The following TAF3 variants were observed in gnomAD, a reference collection of about 807,000 sequenced individuals.
The protein encoded by TAF3 is TATA-box binding protein associated factor 3, also known as transcription initiation factor TFIID subunit 3.
TAF3 carries 7 observed loss-of-function variants against 80.6 expected under a neutral mutation model. The ratio of observed to expected loss-of-function variants is 0.09; its 90% CI spans 0.05 to 0.16. TAF3 has a LOEUF of 0.16. TAF3 is among the 10% of genes least tolerant of loss of function. The probability of loss-of-function intolerance (pLI) is 1.00; values close to 1 mark genes in which losing one functional copy is unlikely to be tolerated. For missense variants in TAF3, 921 were observed against 1,140.2 expected, an observed-to-expected ratio of 0.81 and a Z score of 2.77; for synonymous variants, 444 against 446.1, an observed-to-expected ratio of 1.00 and a Z score of 0.06.
At chr10:7,977,133 A>G (rs1208209357) in intron 3 of TAF3, 108 bp from the exon 4 acceptor site, 1 of 999,554 alleles carries the variant, frequency 1.0e-6, no homozygotes, top group Non-Finnish European at 1.5e-6. Flanking sequence ...GCCATATTTA[A>G]GGCTTCAACT....
At position 7,837,207 on chromosome 10, in the gene TAF3, A is replaced by G. The variant is rs868790466; in HGVS notation, c.409+12647A>G. Among the ~76,000 whole-genome samples, 12 of 152,330 alleles carry G rather than the reference A, an allele frequency of 7.9e-5. No individual in the cohort carries two copies. The East Asian group carries it at 2.1e-3, about 27-fold the overall frequency. On this transcript the variant is annotated intron_variant, in intron 2 of 6. Transcript: ENST00000344293. Reference sequence around the variant, plus strand: ...GTGAAATCCTGTCTCTACTAAAAATACAAAATTTAGCTGGACATGGTGGCA... The same window carrying G: ...GTGAAATCCTGTCTCTACTAAAAATGCAAAATTTAGCTGGACATGGTGGCA...
At chr10:7,991,534 T>C (rs1831833737) in intron 4 of TAF3, among the ~76,000 whole-genome samples, 2 of 152,150 alleles carry the variant, frequency 1.3e-5, no homozygotes, top group East Asian at 1.9e-4. Context: ...AGATATAATA[T>C]TAAACAGGCA....
chr10:8,014,974 G>T lies in TAF3; in HGVS notation c.*223G>T. 1 of 424,390 alleles carries T rather than the reference G, an allele frequency of 2.4e-6. No homozygotes were observed. The highest frequency in any genetic ancestry group is 4.3e-6 in the Non-Finnish European group (1 of 232,212). The allele number at this position is 424,390 out of a possible 1,614,324, so 26.3% of individuals were successfully genotyped here. A position where few individuals can be genotyped will look rare whatever the true frequency, so the allele number is the denominator to read the frequency against. Reference sequence around the variant, plus strand: ...AGTGCGACAGAAGGAAACTCAAGCAGAGGCGTGGCCTGGGGGCTGCCCCTC... The same window carrying T: ...AGTGCGACAGAAGGAAACTCAAGCATAGGCGTGGCCTGGGGGCTGCCCCTC... On this transcript the variant is annotated 3_prime_UTR_variant, in exon 7 of 7. Coordinates refer to ENST00000344293, the MANE Select transcript of TAF3 (RefSeq NM_031923.4).
At chr10:7,864,926 T>A (rs1458948588) in intron 2 of TAF3, among the ~76,000 whole-genome samples, 1 of 152,122 alleles carries the variant, frequency 6.6e-6, no homozygotes, top group African/African-American at 2.4e-5. Context: ...TCTAGAAGTT[T>A]TATAGTTTTA....
chr10:7,859,097 C>G (rs1015708339), intron 2 of TAF3, among the ~76,000 whole-genome samples: 5 of 151,846 alleles, frequency 3.3e-5, no homozygotes, highest in African/African-American at 9.7e-5. Flanking sequence ...CCCGTCTCTA[C>G]TAAAAATACA....
chr10:7,943,300 G>A (rs1236213780), intron 2 of TAF3, among the ~76,000 whole-genome samples: 1 of 152,104 alleles, frequency 6.6e-6, no homozygotes, highest in Admixed American at 6.6e-5. Flanking sequence ...TTGCTCCTTA[G>A]CATTGCAAAC....
At chr10:7,908,948 A>G (rs1210419924) in intron 2 of TAF3, among the ~76,000 whole-genome samples, 1 of 152,212 alleles carries the variant, frequency 6.6e-6, no homozygotes, top group Non-Finnish European at 1.5e-5. Context: ...CATTTCTAGC[A>G]AGTTCCCAGG....
rs547919075 is a variant in TAF3 at position 8,016,221 on chromosome 10, A to G, written c.*1470A>G. 4 of 152,358 alleles carry G rather than the reference A, an allele frequency of 2.6e-5. No individual in the cohort carries two copies. The East Asian group carries it at 7.7e-4, about 29-fold the overall frequency. The allele number at this position is 152,358 out of a possible 1,614,324, so 9.4% of individuals were successfully genotyped here. A position where few individuals can be genotyped will look rare whatever the true frequency, so the allele number is the denominator to read the frequency against. On this transcript the variant is annotated 3_prime_UTR_variant, in exon 7 of 7. Coordinates refer to ENST00000344293, the MANE Select transcript of TAF3 (RefSeq NM_031923.4). ...CCATGTGCTGGATCTGTTGGATGCTAGAATATGGGCTTTGAACCTAATACA... is the reference window on the plus strand; with the variant it reads ...CCATGTGCTGGATCTGTTGGATGCTGGAATATGGGCTTTGAACCTAATACA...
At chr10:7,968,070 T>C (rs1048538006) in intron 3 of TAF3, among the ~76,000 whole-genome samples, 5 of 152,048 alleles carry the variant, frequency 3.3e-5, no homozygotes, top group Admixed American at 3.3e-4. Flanking sequence ...ACACCTGAAA[T>C]GCGGTTCCAT....
At chr10:7,939,619 CA>C (rs1186791827) in intron 2 of TAF3, among the ~76,000 whole-genome samples, 28 of 142,626 alleles carry the variant, frequency 2.0e-4, no homozygotes, top group African/African-American at 6.6e-4. Context: ...CACACACACA[CA>C]CCTCTACCTA....
chr10:7,864,941 TTGGGTGGCTGGGG>T (rs1371509684), intron 2 of TAF3, among the ~76,000 whole-genome samples: 2 of 152,136 alleles, frequency 1.3e-5, no homozygotes, highest in African/African-American at 2.4e-5. Context: ...GTTTTAGGTT[TTGGGTGGCTGGGG>T]TGGGTGGCTG....
At chr10:7,853,594 C>T (rs1470010622) in intron 2 of TAF3, among the ~76,000 whole-genome samples, 5 of 152,344 alleles carry the variant, frequency 3.3e-5, no homozygotes, top group Non-Finnish European at 5.9e-5. Flanking sequence ...ATCATTGACA[C>T]GTGAAATTCT....
At chr10:7,931,499 AGTCTG>A (rs1290534080) in intron 2 of TAF3, among the ~76,000 whole-genome samples, 1 of 152,224 alleles carries the variant, frequency 6.6e-6, no homozygotes, top group Non-Finnish European at 1.5e-5. Context: ...CCATCATTTA[AGTCTG>A]GTAGACCACA....
intron 3 of TAF3, among the ~76,000 whole-genome samples, chr10:7,970,776 TAATC>T (rs1361031461): frequency 1.3e-5 from 2 of 152,196 alleles, no homozygotes; most frequent in East Asian, 3.8e-4. Context: ...TGCCCCCAAA[TAATC>T]TTTTATTAAA....
At chr10:7,927,741 A>C (rs936253018) in intron 2 of TAF3, among the ~76,000 whole-genome samples, 1 of 152,232 alleles carries the variant, frequency 6.6e-6, no homozygotes, top group Non-Finnish European at 1.5e-5. Context: ...TATGTAGTTG[A>C]TAATACAATA....
intron 2 of TAF3, among the ~76,000 whole-genome samples, chr10:7,900,013 A>G (rs1441410601): frequency 6.6e-6 from 1 of 152,178 alleles, no homozygotes; most frequent in African/African-American, 2.4e-5. Context: ...GTCCACTCAT[A>G]TCCAACTCCC....
chr10:7,952,701 G>T (rs1205356213), intron 2 of TAF3, among the ~76,000 whole-genome samples: 5 of 152,218 alleles, frequency 3.3e-5, no homozygotes, highest in Admixed American at 3.3e-4. Flanking sequence ...AATTTATAAT[G>T]CATCATATTC....
intron 2 of TAF3, among the ~76,000 whole-genome samples, chr10:7,930,758 T>C (rs902951170): frequency 1.3e-5 from 2 of 152,166 alleles, no homozygotes; most frequent in Non-Finnish European, 2.9e-5. Context: ...TCTATAGATA[T>C]ACTCGATACT....
chr10:7,914,941 T>G (rs1460784109), intron 2 of TAF3, among the ~76,000 whole-genome samples: 1 of 138,638 alleles, frequency 7.2e-6, no homozygotes, highest in African/African-American at 2.7e-5. Flanking sequence ...CCTTTTTTTT[T>G]TTTTTTTTTT....
Sources: gnomAD v4.1 joint callset for allele counts (sites outside exome capture counted in the v4.1 genomes callset) on GRCh38, gnomAD v4.1.1 for gene constraint, MANE v1.5 for transcripts, NCBI Gene and HGNC (gene_info 2026-07-23, HGNC 2026-07-21) for gene names.